The following MEMO1 variants were observed in gnomAD, a reference collection of about 807,000 sequenced individuals.
The protein encoded by MEMO1 is protein MEMO1.
In MEMO1, 6 loss-of-function variants were observed where a neutral mutation model predicts 45.2. That is an observed-to-expected ratio of 0.13 (90% confidence interval 0.07 to 0.26). The LOEUF (loss-of-function observed/expected upper bound fraction) is 0.26, where lower values mean the gene tolerates loss of function less well. Ranked by LOEUF, MEMO1 falls within the 10% of genes least tolerant of loss-of-function variation. The probability of loss-of-function intolerance (pLI) is 1.00; values close to 1 mark genes in which losing one functional copy is unlikely to be tolerated. For missense variants in MEMO1, 184 were observed against 370.5 expected (o/e 0.50, Z 4.13); for synonymous variants, 78 against 124.3 (o/e 0.63, Z 2.48).
In MEMO1 at chr2:31,926,739, C is replaced by G. The variant is rs377459541; in HGVS notation, c.212+5328G>C. On this transcript the variant is annotated intron_variant, in intron 4 of 9. Transcript: ENST00000404530. ...GCATGTGCCTGTAATCCTACCTACTCGGGAGACCGAGGCAGGAGAATCCCT... is the reference window on the plus strand; with the variant it reads ...GCATGTGCCTGTAATCCTACCTACTGGGGAGACCGAGGCAGGAGAATCCCT... Among the ~76,000 whole-genome samples, 6 of 151,834 alleles carry G rather than the reference C, an allele frequency of 4.0e-5. No homozygotes were observed. The East Asian group carries it at 1.2e-3, about 30-fold the overall frequency.
intron 2 of MEMO1, among the ~76,000 whole-genome samples, chr2:31,955,658 G>A (rs1382464063): frequency 6.6e-6 from 1 of 151,910 alleles, no homozygotes; most frequent in African/African-American, 2.4e-5. Flanking sequence ...GCCCAGGCTG[G>A]AGTGCAATGG....
At chr2:31,939,493 G>T (rs1361690354) in intron 3 of MEMO1, among the ~76,000 whole-genome samples, 1 of 152,068 alleles carries the variant, frequency 6.6e-6, no homozygotes, top group East Asian at 1.9e-4. Flanking sequence ...AACAAGTCTG[G>T]CTACTTTTTT....
intron 6 of MEMO1, among the ~76,000 whole-genome samples, chr2:31,908,974 G>A (rs1317417680): frequency 6.6e-6 from 1 of 152,174 alleles, no homozygotes; most frequent in African/African-American, 2.4e-5. Context: ...ATTATAGAAT[G>A]TGTCTCCTCT....
chr2:31,878,342 T>C (rs1674865225), intron 8 of MEMO1, among the ~76,000 whole-genome samples: 1 of 152,134 alleles, frequency 6.6e-6, no homozygotes, highest in Non-Finnish European at 1.5e-5. Flanking sequence ...AAGGGGGCAA[T>C]TTTACAGGAG....
chr2:31,927,561 C>CAA lies in MEMO1; in HGVS notation c.212+4505_212+4506insTT, dbSNP rs1215010473. Among the ~76,000 whole-genome samples the CAA allele has an allele frequency of 3.3e-5, 5 of 149,630 alleles. No homozygotes were observed. In the South Asian group the frequency reaches 6.3e-4, roughly 19 times the overall value. ...GTGAATGCATAACCAGATATGAAAA[C>CAA]ATAGTTGTCTTTTATTAAGCCAAAC... On this transcript the variant is annotated intron_variant, in intron 4 of 9. Transcript: ENST00000404530.
chr2:31,991,894 T>G (rs1459071143), intron 2 of MEMO1, among the ~76,000 whole-genome samples: 1 of 152,172 alleles, frequency 6.6e-6, no homozygotes, highest in Non-Finnish European at 1.5e-5. Context: ...AAAATATTAT[T>G]AAGTAATTAA....
At chr2:32,009,356 G>GCTGGGAGCCCC (rs1175060241) in intron 2 of MEMO1, among the ~76,000 whole-genome samples, 1 of 152,138 alleles carries the variant, frequency 6.6e-6, no homozygotes, top group African/African-American at 2.4e-5. Context: ...TGACAGAAGA[G>GCTGGGAGCCCC]CTGGGAGCCC....
chr2:31,897,600 G>T (rs749640998), intron 6 of MEMO1, among the ~76,000 whole-genome samples: 7 of 152,184 alleles, frequency 4.6e-5, no homozygotes, highest in Non-Finnish European at 1.0e-4. Flanking sequence ...GTTTTGATGT[G>T]CTGCTGGATT....
intron 6 of MEMO1, among the ~76,000 whole-genome samples, chr2:31,902,871 A>G (rs1031289877): frequency 1.3e-5 from 2 of 152,114 alleles, no homozygotes; most frequent in Non-Finnish European, 2.9e-5. Flanking sequence ...AAACAAAAAC[A>G]GAAACACTGT....
At chr2:31,962,724 T>G (rs1668163524) in intron 2 of MEMO1, among the ~76,000 whole-genome samples, 1 of 152,230 alleles carries the variant, frequency 6.6e-6, no homozygotes, top group Admixed American at 6.5e-5. Flanking sequence ...GGGCATTCAT[T>G]GACTGACAAC....
At chr2:31,883,680 T>G (rs1675740809) in intron 7 of MEMO1, among the ~76,000 whole-genome samples, 1 of 152,150 alleles carries the variant, frequency 6.6e-6, no homozygotes, top group Non-Finnish European at 1.5e-5. Context: ...TGTTAAGAAC[T>G]GTTTCAAATT....
chr2:31,954,790 T>C (rs1158351966), intron 2 of MEMO1, among the ~76,000 whole-genome samples: 30 of 150,674 alleles, frequency 2.0e-4, no homozygotes, highest in Admixed American at 1.9e-3. Flanking sequence ...GCCAAGATCG[T>C]GCCATTGCAC....
chr2:31,974,187 C>A (rs888526483), intron 2 of MEMO1, among the ~76,000 whole-genome samples: 3 of 151,906 alleles, frequency 2.0e-5, no homozygotes, highest in African/African-American at 7.3e-5. Context: ...AATAGGGGCA[C>A]TTCCTTTATT....
chr2:31,984,714 G>A (rs1434887547), intron 2 of MEMO1, among the ~76,000 whole-genome samples: 3 of 152,210 alleles, frequency 2.0e-5, no homozygotes, highest in Admixed American at 6.5e-5. Flanking sequence ...GCTGAGGCAG[G>A]AGAATGGTGT....
chr2:31,892,638 C>A (rs374255394), intron 6 of MEMO1, among the ~76,000 whole-genome samples: 1 of 152,112 alleles, frequency 6.6e-6, no homozygotes, highest in South Asian at 2.1e-4. Flanking sequence ...TCTTGGCTCC[C>A]GTAAGTTTTA....
intron 1 of MEMO1, 23 bp from the exon 2 acceptor site, chr2:32,010,287 A>T (rs1674701464): frequency 7.3e-7 from 1 of 1,365,128 alleles, no homozygotes. Flanking sequence ...AGGATGAATG[A>T]GGAGGCGGCG....
At chr2:31,934,958 C>T (rs1458280721) in intron 3 of MEMO1, among the ~76,000 whole-genome samples, 1 of 152,116 alleles carries the variant, frequency 6.6e-6, no homozygotes, top group Admixed American at 6.6e-5. Context: ...TAACAAATCT[C>T]AGTGACTGAG....
At chr2:31,898,709 C>T (rs770402738) in intron 6 of MEMO1, among the ~76,000 whole-genome samples, 10 of 152,224 alleles carry the variant, frequency 6.6e-5, no homozygotes, top group Non-Finnish European at 1.5e-4. Context: ...GTAGAGAGTT[C>T]CCCAGATGTC....
chr2:31,920,545 A>G (rs531734144), intron 5 of MEMO1, among the ~76,000 whole-genome samples: 4 of 152,288 alleles, frequency 2.6e-5, no homozygotes, highest in Non-Finnish European at 5.9e-5. Flanking sequence ...ATTTTTCTGA[A>G]TATTAATGTA....
Sources: gnomAD v4.1 joint callset for allele counts (sites outside exome capture counted in the v4.1 genomes callset) on GRCh38, gnomAD v4.1.1 for gene constraint, MANE v1.5 for transcripts, NCBI Gene and HGNC (gene_info 2026-07-23, HGNC 2026-07-21) for gene names.